Variants in HDGF observed in about 807,000 individuals in gnomAD.
The protein encoded by HDGF is hepatoma-derived growth factor.
In HDGF, 5 loss-of-function variants were observed where a neutral mutation model predicts 30.0. The ratio of observed to expected loss-of-function variants is 0.17; its 90% confidence interval spans 0.09 to 0.35. HDGF has a LOEUF of 0.35. Among genes scored for constraint, HDGF ranks in the 10% least tolerant of loss-of-function variants. HDGF has a pLI of 1.00. For missense variants in HDGF, 214 were observed against 302.8 expected, an observed-to-expected ratio of 0.71 and a Z score of 2.18; for synonymous variants, 133 against 112.7, an observed-to-expected ratio of 1.18 and a Z score of -1.14.
Position 156,751,075 on chromosome 1 carries a change from G to A in HDGF, c.87+268C>T, listed in dbSNP as rs576656937. On this transcript the variant is annotated intron_variant, in intron 1 of 5. Transcript: ENST00000357325. The surrounding 1 kb of genome is among the most constrained non-coding windows in gnomAD (Gnocchi z 4.7). ...AACTGAGCACGCGGAGCTGGGGGCC[G>A]GGAAGTGACCGGCGCCCTCGGATCC... 1.3e-5 allele frequency among the ~76,000 whole-genome samples: 2 copies of A among 152,216 alleles called. No individual in the cohort carries two copies. Among genetic ancestry groups the A allele is most frequent in the Non-Finnish European group, 2.9e-5 (2 of 68,006 alleles).
chr1:156,747,788 G>A (rs1650693509), intron 1 of HDGF, among the ~76,000 whole-genome samples: 1 of 152,066 alleles, frequency 6.6e-6, no homozygotes, highest in African/African-American at 2.4e-5. Flanking sequence ...GGTGTGTGTG[G>A]GTGAAAGTTC....
intron 1 of HDGF, among the ~76,000 whole-genome samples, chr1:156,746,591 T>C (rs1650563534): frequency 6.6e-6 from 1 of 152,064 alleles, no homozygotes; most frequent in Non-Finnish European, 1.5e-5. Context: ...TGAGAAGCGC[T>C]GTGGTGAAGG....
At chr1:156,757,786 CAA>C (rs60308399) in intron 2 of HDGF, among the ~76,000 whole-genome samples, 32 of 85,284 alleles carry the variant, frequency 3.8e-4, no homozygotes, top group African/African-American at 3.9e-4. Flanking sequence ...GACTCTGTCT[CAA>C]AAAAAAAAAA....
In HDGF at chr1:156,743,675, G is replaced by A. The variant is rs1484091041; in HGVS notation, c.693C>T (p.Ala231=). 6.2e-7 allele frequency: 1 copy of A among 1,612,412 alleles called. No individual in the cohort carries two copies. The highest frequency in any genetic ancestry group is 2.2e-5 in the East Asian group (1 of 44,868). Residue 231 remains alanine, a synonymous_variant, in exon 5 of 6, where the codon GCC becomes GCT. Transcript: ENST00000357325. Reference sequence around the variant, plus strand: ...ACCTCTCATGATCTCTGATGCCTGGGGCCTCAGCATCTTCCTTGGTAGCCT... The same window carrying A: ...ACCTCTCATGATCTCTGATGCCTGGAGCCTCAGCATCTTCCTTGGTAGCCT... ...EEEATKEDAE[A]PGIRDHESL
intron 1 of HDGF, among the ~76,000 whole-genome samples, chr1:156,759,866 C>T (rs1651219947): frequency 6.6e-6 from 1 of 152,180 alleles, no homozygotes; most frequent in Non-Finnish European, 1.5e-5. Flanking sequence ...AGAACTATTA[C>T]AAATTATTTA....
intron 1 of HDGF, among the ~76,000 whole-genome samples, chr1:156,760,932 G>A (rs1449822716): frequency 1.3e-5 from 2 of 151,862 alleles, no homozygotes; most frequent in East Asian, 1.9e-4. Context: ...AGTGGCGCAT[G>A]CCTGTAATCT....
chr1:156,758,592 C>CAAA (rs146810668), intron 2 of HDGF, among the ~76,000 whole-genome samples: 21,141 of 85,702 alleles, frequency 0.25, 4,134 homozygotes, highest in Admixed American at 0.32. Flanking sequence ...GACTCCGTCT[C>CAAA]AAAAAAAAAA....
intron 1 of HDGF, among the ~76,000 whole-genome samples, chr1:156,748,153 C>G (rs1327908912): frequency 6.6e-6 from 1 of 152,176 alleles, no homozygotes; most frequent in South Asian, 2.1e-4. Context: ...AGAGTATAGG[C>G]ACTTGTGGGG....
At chr1:156,752,740 G>A (rs1006089975), upstream of HDGF, among the ~76,000 whole-genome samples, 3 of 152,194 alleles carry the variant, frequency 2.0e-5, no homozygotes, top group African/African-American at 4.8e-5. Context: ...TGCTGTCACT[G>A]TATTTGCCCA....
chr1:156,763,880 G>A (rs1037514308), intron 1 of HDGF, among the ~76,000 whole-genome samples: 6 of 151,770 alleles, frequency 4.0e-5, no homozygotes, highest in African/African-American at 1.2e-4. Flanking sequence ...GAGCTACCGC[G>A]CCTGGCCTAA....
upstream of HDGF, chr1:156,755,639 C>T (rs1020417014): frequency 2.6e-5 from 4 of 152,196 alleles, no homozygotes; most frequent in Admixed American, 6.6e-5. Flanking sequence ...ACTCACATCA[C>T]GATTTCTTGG....
Position 156,758,328 on chromosome 1 carries a change from ACGCCTGTAATT to A in HDGF, n.373+644_373+654del, listed in dbSNP as rs1298120093. On this transcript the variant is annotated intron_variant and non_coding_transcript_variant, in intron 2 of 7. Transcript: ENST00000465180. ...ATAAATAGGCCAGGCGCGGTGGCTC[ACGCCTGTAATT>A]CCAGCACTCTGGGAGGCTGAGGCAG... Among the ~76,000 whole-genome samples the A allele has an allele frequency of 1.3e-4, 19 of 151,132 alleles. No individual in the cohort carries two copies. The East Asian group carries it at 3.7e-3, about 30-fold the overall frequency.
In HDGF at chr1:156,751,589, G is replaced by C. The variant is rs1170083368; in HGVS notation, c.-160C>G. ...GCTCCGGCGCGGCCACGGCGTCTCC[G>C]CCCGCGCGCCGCACGGACGGGGCGG... On this transcript the variant is annotated 5_prime_UTR_variant, in exon 1 of 6. Coordinates refer to ENST00000357325, the MANE Select transcript of HDGF (RefSeq NM_004494.3). The surrounding 1 kb of genome is among the most constrained non-coding windows in gnomAD (Gnocchi z 4.7). 6.1e-6 allele frequency: 6 copies of C among 984,118 alleles called. No homozygotes were observed. Among genetic ancestry groups the C allele is most frequent in the Admixed American group, 1.2e-4 (2 of 16,018 alleles). 61.0% of individuals were successfully genotyped at this position (984,118 alleles called of 1,614,324 possible). A position where few individuals can be genotyped will look rare whatever the true frequency, so the allele number is the denominator to read the frequency against.
At chr1:156,754,104 C>T (rs1480663055), upstream of HDGF, among the ~76,000 whole-genome samples, 5 of 152,102 alleles carry the variant, frequency 3.3e-5, no homozygotes, top group African/African-American at 7.2e-5. Context: ...TTAGTAGAGA[C>T]GGGGTTTCAC....
upstream of HDGF, chr1:156,751,721 C>A (rs1016919373): frequency 3.0e-5 from 36 of 1,184,500 alleles, no homozygotes; most frequent in African/African-American, 4.9e-5. The surrounding 1 kb of genome is among the most constrained non-coding windows in gnomAD (Gnocchi z 4.7). Context: ...TCCTCCACCC[C>A]CCGCCCGGTC....
chr1:156,763,199 T>G (rs114871911), intron 1 of HDGF, among the ~76,000 whole-genome samples: 1 of 152,146 alleles, frequency 6.6e-6, no homozygotes, highest in Non-Finnish European at 1.5e-5. Flanking sequence ...ATATGTTTAA[T>G]CATTTCATTC....
intron 1 of HDGF, among the ~76,000 whole-genome samples, chr1:156,764,977 AAAC>A (rs2102744091): frequency 6.6e-6 from 1 of 152,102 alleles, no homozygotes; most frequent in South Asian, 2.1e-4. Flanking sequence ...ATGTGTTGAC[AAAC>A]AACAAGGACA....
At chr1:156,749,755 T>C (rs1263775366) in intron 1 of HDGF, among the ~76,000 whole-genome samples, 1 of 151,614 alleles carries the variant, frequency 6.6e-6, no homozygotes, top group Admixed American at 6.6e-5. Context: ...TCTTACCGGA[T>C]GCAGAAGGGG....
In HDGF at chr1:156,745,368, G is replaced by C; in HGVS notation, c.93C>G (p.Asp31Glu). 6.2e-7 allele frequency: 1 copy of C among 1,613,498 alleles called. No homozygotes were observed. Among genetic ancestry groups the C allele is most frequent in the South Asian group, 1.1e-5 (1 of 90,984 alleles). The change falls in exon 2 of 6, where the codon GAC becomes GAG. Residue 31 changes from aspartate (D) to glutamate (E), a missense_variant. By Grantham distance (45) the Asp-to-Glu change is conservative. This residue lies in a region of HDGF where 38 missense variants were observed against 91.1 expected (regional missense o/e 0.42). Coordinates refer to ENST00000357325, the MANE Select transcript of HDGF (RefSeq NM_004494.3). Reference sequence around the variant, plus strand: ...ATTTCACGGCAGCCTCAGGCATCTCGTCAATCTGGGGTGAGATGAGGGGGT... The same window carrying C: ...ATTTCACGGCAGCCTCAGGCATCTCCTCAATCTGGGGTGAGATGAGGGGGT... ...KGYPHWPARI[D>E]EMPEAAVKST...
Sources: gnomAD v4.1 joint callset for allele counts (sites outside exome capture counted in the v4.1 genomes callset) on GRCh38, gnomAD v4.1.1 for gene constraint, gnomAD v4.1.1 regional missense constraint, Gnocchi (gnomAD v3.1) non-coding constraint, MANE v1.5 for transcripts, NCBI Gene and HGNC (gene_info 2026-07-23, HGNC 2026-07-21) for gene names.